KY: variants seen among roughly 807,000 people sequenced by gnomAD.
KY encodes kyphoscoliosis peptidase.
KY carries 43 observed loss-of-function variants against 76.1 expected under a neutral mutation model. That is an observed-to-expected ratio of 0.57 (90% CI 0.44 to 0.73). The LOEUF (loss-of-function observed/expected upper bound fraction) is 0.73. KY is among the 30% of genes least tolerant of loss of function. The pLI is 0.00. For synonymous variants in KY, 277 were observed against 326.2 expected (o/e 0.85, Z 1.63); for missense variants, 722 against 828.9 (o/e 0.87, Z 1.58).
At chr3:134,650,011 C>A (rs1966846436) in intron 1 of KY, among the ~76,000 whole-genome samples, 1 of 152,192 alleles carries the variant, frequency 6.6e-6, no homozygotes, top group Non-Finnish European at 1.5e-5. Context: ...AGACAGCTTG[C>A]CATCCAGGAC....
Position 134,604,484 on chromosome 3 carries a change from GAA to G in KY, c.1091-12_1091-11del, listed in dbSNP as rs1959109554. 1.9e-6 allele frequency: 3 copies of G among 1,595,066 alleles called. No individual in the cohort carries two copies. The highest frequency in any genetic ancestry group is 2.6e-6 in the Non-Finnish European group (3 of 1,168,714). On this transcript the variant is annotated splice_polypyrimidine_tract_variant and intron_variant, in intron 10 of 10. Coordinates refer to ENST00000423778, the MANE Select transcript of KY (RefSeq NM_178554.6). ...GTGGCCTTCCCATTCACTGAGGAGA[GAA>G]AGTCAGGGTCAGCAGAGATGGGTCC...
intron 5 of KY, 69 bp downstream of exon 5, chr3:134,627,687 G>T: frequency 7.1e-7 from 1 of 1,403,924 alleles, no homozygotes; most frequent in Non-Finnish European, 1.0e-6. Flanking sequence ...ACTGTCAATT[G>T]GAGATTAGTC....
chr3:134,608,612 C>T, intron 10 of KY, 37 bp downstream of exon 10: 7 of 1,613,908 alleles, frequency 4.3e-6, no homozygotes, highest in Middle Eastern at 1.6e-4. Context: ...ATGCTCCATT[C>T]CTGCTGCTAG....
At chr3:134,615,825 A>G (rs372965994) in intron 8 of KY, among the ~76,000 whole-genome samples, 6 of 152,312 alleles carry the variant, frequency 3.9e-5, no homozygotes, top group African/African-American at 1.4e-4. Context: ...TTAGGATTAT[A>G]GGGGACATAC....
rs773053520 is a variant in KY, at chr3:134,620,807, C to T, written c.534G>A (p.Glu178=). 3.1e-6 allele frequency: 5 copies of T among 1,613,650 alleles called. No homozygotes were observed. The Admixed American group carries it at 5.0e-5, about 16-fold the overall frequency. ...LDELVSDLLQ[E]AHTDLERVRA... is the part of the protein sequence containing the mutation. ...GGACCCTTTCCAGGTCAGTGTGGGCCTCCTGGAGCAGGTCACTCACCAGTT... is the reference window on the plus strand; with the variant it reads ...GGACCCTTTCCAGGTCAGTGTGGGCTTCCTGGAGCAGGTCACTCACCAGTT... Residue 178 remains glutamate, a synonymous_variant, in exon 7 of 11, where the codon GAG becomes GAA. Coordinates refer to ENST00000423778, the MANE Select transcript of KY (RefSeq NM_178554.6).
intron 10 of KY, among the ~76,000 whole-genome samples, chr3:134,606,527 C>A (rs550305053): frequency 6.6e-6 from 1 of 152,342 alleles, no homozygotes; most frequent in East Asian, 1.9e-4. Flanking sequence ...AGGCTGAGTT[C>A]CCTGGCAGCT....
At chr3:134,627,267 A>G (rs1163017868) in intron 5 of KY, among the ~76,000 whole-genome samples, 2 of 152,238 alleles carry the variant, frequency 1.3e-5, no homozygotes, top group Non-Finnish European at 2.9e-5. Context: ...AGGAAGAAGT[A>G]TGGAGCTGCA....
intron 10 of KY, 61 bp downstream of exon 10, chr3:134,608,588 G>A: frequency 6.2e-7 from 1 of 1,613,450 alleles, no homozygotes; most frequent in Non-Finnish European, 8.5e-7. Flanking sequence ...CGGGCTCCTG[G>A]AGGACAGTGC....
At chr3:134,622,917 C>T (rs1263878441) in intron 6 of KY, among the ~76,000 whole-genome samples, 3 of 152,192 alleles carry the variant, frequency 2.0e-5, no homozygotes, top group Non-Finnish European at 4.4e-5. Flanking sequence ...CCAGGACTCA[C>T]CTGCTGACCA....
chr3:134,600,304 C>G lies in KY; in HGVS notation c.*3275G>C, dbSNP rs544431365. Among the ~76,000 whole-genome samples, 1 of 152,332 alleles carries G rather than the reference C, an allele frequency of 6.6e-6. No homozygotes were observed. Among genetic ancestry groups the G allele is most frequent in the African/African-American group, 2.4e-5 (1 of 41,564 alleles). On this transcript the variant is annotated 3_prime_UTR_variant, in exon 11 of 11. Coordinates refer to ENST00000423778, the MANE Select transcript of KY (RefSeq NM_178554.6). The stretch of plus-strand genomic sequence containing the variant: ...GGAAAACTTTTCTCCTTTTCAAGTC[C>G]TTTGAGAAGAGGATTTCACAAACTT...
At chr3:134,632,083 C>T (rs562348530) in intron 3 of KY, among the ~76,000 whole-genome samples, 4 of 152,076 alleles carry the variant, frequency 2.6e-5, no homozygotes, top group African/African-American at 9.6e-5. Flanking sequence ...CTTCAATAGG[C>T]ATACGTCAAA....
At chr3:134,608,414 G>A (rs1959635063) in intron 10 of KY, 1 of 1,487,216 alleles carries the variant, frequency 6.7e-7, no homozygotes, top group Non-Finnish European at 9.0e-7. Context: ...TTATGCTAGT[G>A]TGAGTGAGCT....
At chr3:134,631,017 C>T (rs546566405) in intron 3 of KY, among the ~76,000 whole-genome samples, 1 of 152,296 alleles carries the variant, frequency 6.6e-6, no homozygotes, top group South Asian at 2.1e-4. Flanking sequence ...AGTCAGAGAA[C>T]TTGAAGATAG....
intron 1 of KY, 139 bp downstream of exon 1, chr3:134,650,686 C>A (rs1966861873): frequency 2.6e-6 from 2 of 782,338 alleles, no homozygotes; most frequent in Admixed American, 3.3e-5. Context: ...TGCGGGGAAG[C>A]GACGGCAGCC....
intron 7 of KY, among the ~76,000 whole-genome samples, chr3:134,620,536 G>A (rs2107834154): frequency 6.6e-6 from 1 of 152,260 alleles, no homozygotes; most frequent in Non-Finnish European, 1.5e-5. Context: ...AGGCTGCAAG[G>A]GATTCTCCTC....
At chr3:134,650,513 A>G (rs934705083) in intron 1 of KY, among the ~76,000 whole-genome samples, 1 of 152,044 alleles carries the variant, frequency 6.6e-6, no homozygotes, top group Non-Finnish European at 1.5e-5. Flanking sequence ...CCTCCAGGGT[A>G]TCTTCCAATC....
chr3:134,622,109 T>C (rs1962720296), intron 6 of KY, among the ~76,000 whole-genome samples: 2 of 152,232 alleles, frequency 1.3e-5, no homozygotes, highest in South Asian at 2.1e-4. Context: ...TGTACGATGC[T>C]AGTGGGAATG....
intron 2 of KY, among the ~76,000 whole-genome samples, chr3:134,645,928 T>C (rs1178919141): frequency 2.0e-5 from 3 of 152,202 alleles, no homozygotes; most frequent in African/African-American, 7.2e-5. Context: ...ATAGAATGAA[T>C]TCAGTGTATT....
At chr3:134,627,633 C>T in intron 5 of KY, 123 bp downstream of exon 5, 1 of 803,164 alleles carries the variant, frequency 1.2e-6, no homozygotes, top group Non-Finnish European at 2.1e-6. Context: ...CCCTCCTGAA[C>T]CCAAAGGTGG....
Sources: allele counts gnomAD v4.1 joint callset (sites outside exome capture counted in the v4.1 genomes callset), GRCh38; gene constraint gnomAD v4.1.1; transcripts MANE v1.5; gene names NCBI Gene and HGNC (gene_info 2026-07-23, HGNC 2026-07-21).